Variants in CACNA2D3 observed in about 807,000 individuals in gnomAD.
CACNA2D3 encodes calcium voltage-gated channel auxiliary subunit alpha2delta 3.
CACNA2D3 carries 60 observed loss-of-function variants against 160.6 expected under a neutral mutation model. That is an observed-to-expected ratio of 0.37 (90% CI 0.30 to 0.46). The LOEUF is 0.46. Among genes scored for constraint, CACNA2D3 ranks in the 20% least tolerant of loss-of-function variants. The pLI is 1.00. For missense variants in CACNA2D3, 1,205 were observed against 1,365.0 expected, an observed-to-expected ratio of 0.88 and a Z score of 1.85; for synonymous variants, 558 against 492.9, an observed-to-expected ratio of 1.13 and a Z score of -1.75.
intron 35 of CACNA2D3, among the ~76,000 whole-genome samples, chr3:55,038,901 T>C (rs1372424008): frequency 1.1e-4 from 9 of 85,026 alleles, no homozygotes; most frequent in South Asian, 3.6e-4. Context: ...TATATATATA[T>C]ATATATACAC....
At chr3:54,463,180 C>G (rs924887786) in intron 4 of CACNA2D3, among the ~76,000 whole-genome samples, 4 of 151,938 alleles carry the variant, frequency 2.6e-5, no homozygotes, top group African/African-American at 4.8e-5. Context: ...TGTGGGTAAC[C>G]CGACCTTTCT....
At chr3:54,871,202 C>CAGAG (rs1237873120) in intron 17 of CACNA2D3, among the ~76,000 whole-genome samples, 4 of 144,544 alleles carry the variant, frequency 2.8e-5, no homozygotes, top group South Asian at 2.2e-4. Flanking sequence ...CACACACACA[C>CAGAG]ACACACACAC....
intron 3 of CACNA2D3, chr3:54,367,546 A>G (rs777079448): frequency 8.9e-6 from 3 of 335,584 alleles, no homozygotes; most frequent in South Asian, 7.0e-5. Flanking sequence ...CTCATGAGGA[A>G]TGAAACCCAT....
In CACNA2D3 at chr3:54,861,930, G is replaced by A. The variant is rs564474482; in HGVS notation, c.1627-9609G>A. Among the ~76,000 whole-genome samples the A allele has an allele frequency of 5.9e-5, 9 of 152,282 alleles. No homozygotes were observed. The East Asian group carries it at 1.7e-3, about 29-fold the overall frequency. ...TTATGAATCACATCAGAGCTCTCTT[G>A]GGTTTATTCAGACCAGCATGCATCC... On this transcript the variant is annotated intron_variant, in intron 17 of 37. Coordinates refer to ENST00000474759, the MANE Select transcript of CACNA2D3 (RefSeq NM_018398.3).
At position 54,978,671 on chromosome 3, in the gene CACNA2D3, A is replaced by G. The variant is rs185537327; in HGVS notation, c.2557-5937A>G. Among the ~76,000 whole-genome samples, 270 of 152,340 alleles carry G rather than the reference A, an allele frequency of 1.8e-3. 1 individual carries two copies. Among genetic ancestry groups the G allele is most frequent in the Non-Finnish European group, 3.4e-3 (230 of 68,030 alleles). On this transcript the variant is annotated intron_variant, in intron 29 of 37. Transcript: ENST00000474759. ...TTCCATGAACTGGGCAACTATTGGAACCAAGCTGATATGAGGTTGCTAGCT... is the reference window on the plus strand; with the variant it reads ...TTCCATGAACTGGGCAACTATTGGAGCCAAGCTGATATGAGGTTGCTAGCT...
At chr3:54,989,858 C>T (rs1483826208) in intron 31 of CACNA2D3, among the ~76,000 whole-genome samples, 1 of 152,188 alleles carries the variant, frequency 6.6e-6, no homozygotes. Context: ...CCTATGACAC[C>T]ATATGATGGG....
At chr3:54,827,132 G>A (rs1703765575) in intron 14 of CACNA2D3, among the ~76,000 whole-genome samples, 1 of 152,186 alleles carries the variant, frequency 6.6e-6, no homozygotes, top group African/African-American at 2.4e-5. Context: ...GGGTGGAGTG[G>A]TTACTACACA....
chr3:54,870,249 G>A (rs936130213), intron 17 of CACNA2D3, among the ~76,000 whole-genome samples: 5 of 152,130 alleles, frequency 3.3e-5, no homozygotes, highest in African/African-American at 1.2e-4. Flanking sequence ...CATATGGGTG[G>A]CAGTTTTCTC....
Position 54,665,626 on chromosome 3 carries a change from C to T in CACNA2D3, c.1167+23385C>T, listed in dbSNP as rs149093806. On this transcript the variant is annotated intron_variant, in intron 11 of 37. Transcript: ENST00000474759. ...GATTTCTGCTCCTGAATGCATTAGA[C>T]GGCTCATAATACCACAAAACCTGCC... is the stretch of plus-strand genomic sequence containing the variant. 4.7e-3 allele frequency among the ~76,000 whole-genome samples: 709 copies of T among 152,154 alleles called. 2 individuals are homozygous for T. Among genetic ancestry groups the T allele is most frequent in the Admixed American group, 6.9e-3 (106 of 15,292 alleles).
intron 9 of CACNA2D3, among the ~76,000 whole-genome samples, chr3:54,598,079 C>T (rs1460770456): frequency 6.6e-6 from 1 of 151,020 alleles, no homozygotes; most frequent in Non-Finnish European, 1.5e-5. Context: ...CACTTGAGGT[C>T]AGGAATTTGA....
At chr3:54,889,669 G>C (rs1479736105) in intron 24 of CACNA2D3, among the ~76,000 whole-genome samples, 1 of 152,194 alleles carries the variant, frequency 6.6e-6, no homozygotes, top group Non-Finnish European at 1.5e-5. Flanking sequence ...GGAGATGTCA[G>C]GTAGGCTGTT....
chr3:54,220,662 A>C (rs1309510271), intron 2 of CACNA2D3, among the ~76,000 whole-genome samples: 5 of 152,068 alleles, frequency 3.3e-5, no homozygotes, highest in African/African-American at 1.2e-4. Flanking sequence ...TTCAGGTCTT[A>C]GCCCCCATCG....
At chr3:55,051,418 G>A (rs200337117) in intron 35 of CACNA2D3, among the ~76,000 whole-genome samples, 1 of 152,118 alleles carries the variant, frequency 6.6e-6, no homozygotes, top group Non-Finnish European at 1.5e-5. Context: ...AGGCTGCCCG[G>A]GCGTCAGGGG....
intron 2 of CACNA2D3, among the ~76,000 whole-genome samples, chr3:54,229,627 G>T (rs1287492904): frequency 6.6e-6 from 1 of 152,126 alleles, no homozygotes; most frequent in Admixed American, 6.5e-5. Flanking sequence ...GAATCACCAT[G>T]CCCGGCCTAA....
At chr3:54,299,652 C>T (rs1016504277) in intron 2 of CACNA2D3, among the ~76,000 whole-genome samples, 99 of 152,250 alleles carry the variant, frequency 6.5e-4, no homozygotes, top group African/African-American at 2.3e-3. Flanking sequence ...AAATTCAGGG[C>T]TCCTTTATTA....
In CACNA2D3 at chr3:54,400,829, G is replaced by T. The variant is rs150368705; in HGVS notation, c.381+14055G>T. Among the ~76,000 whole-genome samples the T allele has an allele frequency of 5.6e-3, 855 of 152,206 alleles. 8 individuals carry two copies. The highest frequency in any genetic ancestry group is 0.019 in the African/African-American group (795 of 41,550). ...GTGCAGACATCAATGCAAGGAACAA[G>T]AAACATGAAAAAGCAAGGAAACAGG... On this transcript the variant is annotated intron_variant, in intron 4 of 37. Transcript: ENST00000474759.
intron 4 of CACNA2D3, among the ~76,000 whole-genome samples, chr3:54,453,329 A>G (rs1302375701): frequency 1.3e-5 from 2 of 152,132 alleles, no homozygotes; most frequent in Non-Finnish European, 2.9e-5. Context: ...TATTGGATTT[A>G]GGGCTCACCA....
At chr3:54,540,491 C>G (rs1192780182) in intron 5 of CACNA2D3, among the ~76,000 whole-genome samples, 1 of 152,072 alleles carries the variant, frequency 6.6e-6, no homozygotes, top group Non-Finnish European at 1.5e-5. Flanking sequence ...CTAATGTTGT[C>G]TCATGTTAAG....
chr3:54,528,772 C>G (rs1205108347), intron 5 of CACNA2D3, among the ~76,000 whole-genome samples: 1 of 152,130 alleles, frequency 6.6e-6, no homozygotes, highest in Non-Finnish European at 1.5e-5. Context: ...TGTGTAATTG[C>G]CCCTTAAACA....
Sources: allele counts gnomAD v4.1 joint callset (sites outside exome capture counted in the v4.1 genomes callset), GRCh38; gene constraint gnomAD v4.1.1; transcripts MANE v1.5; gene names NCBI Gene and HGNC (gene_info 2026-07-23, HGNC 2026-07-21).